Variants in CAMSAP1 observed in about 807,000 individuals in gnomAD.
CAMSAP1 encodes the protein calmodulin-regulated spectrin-associated protein 1.
A neutral mutation model predicts 143.5 loss-of-function variants in CAMSAP1; 58 were observed. The ratio of observed to expected loss-of-function variants is 0.40; its 90% CI spans 0.33 to 0.50. CAMSAP1 has a LOEUF of 0.50. CAMSAP1 is among the 20% of genes least tolerant of loss of function. The probability of loss-of-function intolerance (pLI) is 0.45; values close to 1 mark genes in which losing one functional copy is unlikely to be tolerated. For missense variants in CAMSAP1, 1,969 were observed against 2,115.7 expected, an observed-to-expected ratio of 0.93 and a Z score of 1.36; for synonymous variants, 945 against 859.3, an observed-to-expected ratio of 1.10 and a Z score of -1.74.
At chr9:135,835,850 C>T (rs1418312553) in intron 7 of CAMSAP1, among the ~76,000 whole-genome samples, 1 of 152,044 alleles carries the variant, frequency 6.6e-6, no homozygotes, top group Non-Finnish European at 1.5e-5. Context: ...CATGGTGGTG[C>T]GCACCTGTAA....
chr9:135,877,976 C>T (rs1169573177), intron 3 of CAMSAP1, among the ~76,000 whole-genome samples: 2 of 152,202 alleles, frequency 1.3e-5, no homozygotes, highest in East Asian at 1.9e-4. Context: ...GGGAAACCCG[C>T]ATGGCAGCAG....
At chr9:135,845,622 C>T (rs959695151) in intron 7 of CAMSAP1, among the ~76,000 whole-genome samples, 3 of 152,144 alleles carry the variant, frequency 2.0e-5, no homozygotes, top group Non-Finnish European at 4.4e-5. Context: ...AAAACCCCAT[C>T]GTCTCAACCC....
intron 1 of CAMSAP1, among the ~76,000 whole-genome samples, chr9:135,883,654 GAC>G (rs1564457373): frequency 6.6e-6 from 1 of 152,208 alleles, no homozygotes; most frequent in Non-Finnish European, 1.5e-5. Flanking sequence ...TAACCATGAC[GAC>G]ACAGCAGCAG....
At chr9:135,849,010 G>A (rs541052676) in intron 7 of CAMSAP1, among the ~76,000 whole-genome samples, 6 of 152,344 alleles carry the variant, frequency 3.9e-5, no homozygotes, top group East Asian at 3.9e-4. Context: ...CCGTTCCAAC[G>A]TTTTGCCACA....
At chr9:135,843,911 C>CCTAAAT (rs1298518861) in intron 7 of CAMSAP1, among the ~76,000 whole-genome samples, 5 of 150,772 alleles carry the variant, frequency 3.3e-5, no homozygotes, top group African/African-American at 1.2e-4. Context: ...CGCTAACTAT[C>CCTAAAT]CTAAATCTGT....
chr9:135,887,331 A>G (rs1389420774), intron 1 of CAMSAP1, among the ~76,000 whole-genome samples: 2 of 152,208 alleles, frequency 1.3e-5, no homozygotes, highest in Non-Finnish European at 2.9e-5. Flanking sequence ...TGAAGACCAC[A>G]GAGCCCGCCG....
intron 7 of CAMSAP1, among the ~76,000 whole-genome samples, chr9:135,849,621 C>A (rs1836701567): frequency 6.6e-6 from 1 of 152,138 alleles, no homozygotes; most frequent in Non-Finnish European, 1.5e-5. Flanking sequence ...TTTTCCCCCT[C>A]TATAGTTATT....
chr9:135,896,607 ATAT>A (rs1365560930), intron 1 of CAMSAP1, among the ~76,000 whole-genome samples: 151 of 152,374 alleles, frequency 9.9e-4, no homozygotes, highest in African/African-American at 3.2e-3. Flanking sequence ...AAAAGAGAAC[ATAT>A]CCTAGGCCAC....
chr9:135,843,698 C>G (rs889171752), intron 7 of CAMSAP1, among the ~76,000 whole-genome samples: 2 of 151,530 alleles, frequency 1.3e-5, no homozygotes, highest in Non-Finnish European at 2.9e-5. Context: ...GCTGAAACCC[C>G]GTCTCTACTA....
intron 7 of CAMSAP1, among the ~76,000 whole-genome samples, chr9:135,844,700 C>T (rs375397480): frequency 9.2e-5 from 14 of 152,040 alleles, no homozygotes; most frequent in African/African-American, 2.2e-4. Context: ...TCATTGATCC[C>T]GCAGAAATAC....
rs758644904 is a variant in CAMSAP1, at chr9:135,821,971, T to C, written c.2690A>G (p.Lys897Arg). 5 of 1,612,592 alleles carry C rather than the reference T, an allele frequency of 3.1e-6. No individual in the cohort carries two copies. The highest frequency in any genetic ancestry group is 4.2e-6 in the Non-Finnish European group (5 of 1,179,494). The stretch of plus-strand genomic sequence containing the variant: ...CCTTGCCGACAGCGCCTCCATCTTC[T>C]TCTTCTGGGCCTCGATGGCCCTGCG... Reference protein sequence around the residue: ...EKRRAIEAQKKKMEALSARQR... With the variant: ...EKRRAIEAQKRKMEALSARQR... Residue 897 changes from lysine (K) to arginine (R), a missense_variant, in exon 11 of 17, where the codon AAG (lysine) becomes AGG (arginine). By Grantham distance (26) the Lys-to-Arg change is conservative (BLOSUM62 2). Transcript: ENST00000389532. This position sits in a 1 kb window ranked among gnomAD's most constrained non-coding sequence, Gnocchi z 4.6.
intron 1 of CAMSAP1, among the ~76,000 whole-genome samples, chr9:135,898,757 A>C (rs1361379357): frequency 5.9e-5 from 9 of 152,218 alleles, no homozygotes; most frequent in Admixed American, 5.9e-4. Flanking sequence ...AATTCACATA[A>C]GCTGCTGGCC....
intron 3 of CAMSAP1, among the ~76,000 whole-genome samples, chr9:135,870,164 C>T (rs1365056764): frequency 6.6e-6 from 1 of 152,134 alleles, no homozygotes; most frequent in Admixed American, 6.5e-5. Context: ...AACTCTAATC[C>T]CCATAATTCC....
At chr9:135,827,659 A>T in intron 7 of CAMSAP1, 75 bp from the exon 8 acceptor site, 1 of 1,344,736 alleles carries the variant, frequency 7.4e-7, no homozygotes, top group Non-Finnish European at 9.8e-7. Flanking sequence ...TGCAGCTTTT[A>T]TAAGCACTAA....
In CAMSAP1 at chr9:135,820,678, G is replaced by C. The variant is rs556002961; in HGVS notation, c.3822+161C>G. 3.9e-5 allele frequency among the ~76,000 whole-genome samples: 6 copies of C among 152,160 alleles called. No individual in the cohort carries two copies. The highest frequency in any genetic ancestry group is 7.4e-5 in the Non-Finnish European group (5 of 68,026). On this transcript the variant is annotated intron_variant, in intron 11 of 16. Coordinates refer to ENST00000389532, the MANE Select transcript of CAMSAP1 (RefSeq NM_015447.4). The surrounding 1 kb of genome is among the most constrained non-coding windows in gnomAD (Gnocchi z 4.4). Reference sequence around the variant, plus strand: ...CTGCTTCTGGCCAAGTGGAGTCCTCGGGACAGAGACTCTGTGGCCCACAAA... The same window carrying C: ...CTGCTTCTGGCCAAGTGGAGTCCTCCGGACAGAGACTCTGTGGCCCACAAA...
At chr9:135,830,673 A>G (rs1431585931) in intron 7 of CAMSAP1, among the ~76,000 whole-genome samples, 1 of 152,252 alleles carries the variant, frequency 6.6e-6, no homozygotes, top group Non-Finnish European at 1.5e-5. Context: ...GCAGGCTTAC[A>G]CAACATTCCA....
Position 135,907,036 on chromosome 9 carries a change from T to C in CAMSAP1, c.124A>G (p.Asn42Asp). The C allele has an allele frequency of 8.3e-7, 1 of 1,199,454 alleles. No individual in the cohort carries two copies. 74.3% of individuals were successfully genotyped at this position (1,199,454 alleles called of 1,614,324 possible). A position where few individuals can be genotyped will look rare whatever the true frequency, so the allele number is the denominator to read the frequency against. Residue 42 changes from asparagine to aspartate, a missense_variant, in exon 1 of 17, where the codon AAC becomes GAC. Coordinates refer to ENST00000389532, the MANE Select transcript of CAMSAP1 (RefSeq NM_015447.4). ...YDAARAKIAA[N>D]LQWICAKAYG... ...GCCTTGGCGCAGATCCACTGCAGGT[T>C]GGCGGCGATCTTGGCGCGCGCCGCG...
Position 135,821,707 on chromosome 9 carries a change from T to A in CAMSAP1, c.2954A>T (p.His985Leu). ...DKESLAFAQQHKAKDPVALHE... is the reference protein window; with the variant it reads ...DKESLAFAQQLKAKDPVALHE... ...CAGAGCCACAGGGTCTTTTGCTTTA[T>A]GTTGCTGAGCAAAGGCCAGGCTCTC... is the stretch of plus-strand genomic sequence containing the variant. Residue 985 changes from histidine (H) to leucine (L), a missense_variant, in exon 11 of 17, where the codon CAT (histidine) becomes CTT (leucine). Around this residue, in one of 4 missense-constraint regions of CAMSAP1, gnomAD observed 1,390 missense variants for 1,420.8 expected, o/e 0.98. Transcript: ENST00000389532. The surrounding 1 kb of genome is among the most constrained non-coding windows in gnomAD (Gnocchi z 4.6). 1 of 1,614,054 alleles carries A rather than the reference T, an allele frequency of 6.2e-7. No homozygotes were observed. Among genetic ancestry groups the A allele is most frequent in the Non-Finnish European group, 8.5e-7 (1 of 1,179,894 alleles).
At chr9:135,864,103 T>C (rs1837289780) in intron 4 of CAMSAP1, among the ~76,000 whole-genome samples, 1 of 152,306 alleles carries the variant, frequency 6.6e-6, no homozygotes, top group East Asian at 1.9e-4. Context: ...ACCTATTTAC[T>C]GAACACTGGG....
Sources: allele counts gnomAD v4.1 joint callset (sites outside exome capture counted in the v4.1 genomes callset), GRCh38; gene constraint gnomAD v4.1.1; regional missense constraint gnomAD v4.1.1; non-coding constraint Gnocchi (gnomAD v3.1); transcripts MANE v1.5; gene names NCBI Gene and HGNC (gene_info 2026-07-23, HGNC 2026-07-21).